BRF1: variants seen among roughly 807,000 people sequenced by gnomAD.
BRF1 encodes the protein transcription factor IIIB 90 kDa subunit.
A neutral mutation model predicts 81.7 loss-of-function variants in BRF1; 59 were observed. The ratio of observed to expected loss-of-function variants is 0.72; its 90% CI spans 0.59 to 0.90. The LOEUF is 0.90. Ranked by LOEUF, BRF1 falls within the 40% of genes least tolerant of loss-of-function variation. The pLI is 0.00. For missense variants in BRF1, 1,050 were observed against 936.3 expected, an observed-to-expected ratio of 1.12 and a Z score of -1.58; for synonymous variants, 491 against 395.6, an observed-to-expected ratio of 1.24 and a Z score of -2.86.
chr14:105,217,600 T>C lies in BRF1; in HGVS notation c.1716A>G (p.Arg572=). The change falls in exon 15 of 18, where the codon CGA becomes CGG. Residue 572 remains arginine, a synonymous_variant. Transcript: ENST00000547530. ...EHSASARKLS[R]RRTPASRSGA... is the part of the protein sequence containing the mutation. Reference sequence around the variant, plus strand: ...CACTTCTGCTGGCCGGCGTCCTCCTTCGTGACAGCTTCCTGGCACTGGCGC... The same window carrying C: ...CACTTCTGCTGGCCGGCGTCCTCCTCCGTGACAGCTTCCTGGCACTGGCGC... The C allele has an allele frequency of 6.2e-7, 1 of 1,613,450 alleles. No individual in the cohort carries two copies. The highest frequency in any genetic ancestry group is 1.1e-5 in the South Asian group (1 of 91,088).
At chr14:105,262,704 G>A (rs927642235) in intron 3 of BRF1, among the ~76,000 whole-genome samples, 3 of 152,220 alleles carry the variant, frequency 2.0e-5, no homozygotes, top group Non-Finnish European at 4.4e-5. Flanking sequence ...CTGCTATCCA[G>A]GCAGTCACCT....
At position 105,292,444 on chromosome 14, in the gene BRF1, C is replaced by T. The variant is rs145206201; in HGVS notation, c.185-6068G>A. 3.6e-3 allele frequency among the ~76,000 whole-genome samples: 542 copies of T among 152,300 alleles called. 3 individuals are homozygous for T. The highest frequency in any genetic ancestry group is 5.3e-3 in the Non-Finnish European group (363 of 68,034). ...CCCACGCTGGTCTCAAACTCTTGAC[C>T]TCAAGTGATCCTCCCACCTTGGTTT... is the stretch of plus-strand genomic sequence containing the variant. On this transcript the variant is annotated intron_variant, in intron 1 of 17. Transcript: ENST00000547530.
chr14:105,217,826 TC>T (rs753460984), intron 14 of BRF1, 26 bp from the exon 15 acceptor site: 13 of 1,604,322 alleles, frequency 8.1e-6, no homozygotes, highest in Admixed American at 6.7e-5. Context: ...CAAGAATGCC[TC>T]CCGTGAGTCA....
intron 3 of BRF1, among the ~76,000 whole-genome samples, chr14:105,266,427 A>G (rs2056421451): frequency 6.6e-6 from 1 of 152,200 alleles, no homozygotes; most frequent in Non-Finnish European, 1.5e-5. Context: ...AAAATTTTAA[A>G]AAATTAATCA....
chr14:105,254,568 T>C (rs181275016), intron 4 of BRF1, among the ~76,000 whole-genome samples: 19 of 146,026 alleles, frequency 1.3e-4, no homozygotes, highest in African/African-American at 4.6e-4. Flanking sequence ...CAGTTTTTTG[T>C]TTGTTTTCTT....
At chr14:105,241,482 A>G (rs1227659486) in intron 5 of BRF1, 68 bp from the exon 6 acceptor site, 2 of 1,588,906 alleles carry the variant, frequency 1.3e-6, no homozygotes, top group Non-Finnish European at 1.7e-6. Flanking sequence ...CGGCCCACGC[A>G]GCCCAGGGGT....
In BRF1 at chr14:105,314,993, C is replaced by G. The variant is rs1023090773; in HGVS notation, c.-162+329G>C. Reference sequence around the variant, plus strand: ...ACACGCCCGTGCCCATGAACCTGTTCGCCACCTGGGAGGTGGACGGCTCCA... The same window carrying G: ...ACACGCCCGTGCCCATGAACCTGTTGGCCACCTGGGAGGTGGACGGCTCCA... On this transcript the variant is annotated intron_variant, in intron 1 of 17. Coordinates refer to the BRF1 transcript ENST00000327359. 5 of 1,252,522 alleles carry G rather than the reference C, an allele frequency of 4.0e-6. No homozygotes were observed. Among genetic ancestry groups the G allele is most frequent in the South Asian group, 1.6e-5 (1 of 63,080 alleles). The allele number at this position is 1,252,522 out of a possible 1,614,324, so 77.6% of individuals were successfully genotyped here.
chr14:105,221,605 T>C (rs1446278903), intron 11 of BRF1, 43 bp downstream of exon 11: 12 of 1,579,192 alleles, frequency 7.6e-6, no homozygotes, highest in Non-Finnish European at 1.0e-5. Flanking sequence ...CTGAAAGATC[T>C]CCCGATGACC....
intron 3 of BRF1, among the ~76,000 whole-genome samples, chr14:105,261,781 C>T (rs2056166233): frequency 1.3e-5 from 2 of 152,242 alleles, no homozygotes; most frequent in South Asian, 4.1e-4. Context: ...GAGCGGACAC[C>T]AGCATTCCCG....
At chr14:105,249,278 T>TGCCCCGCGC in intron 5 of BRF1, 2 of 1,564,946 alleles carry the variant, frequency 1.3e-6, no homozygotes, top group Non-Finnish European at 1.7e-6. Context: ...TCGGAACGCG[T>TGCCCCGCGC]GCCCCGTCCG....
intron 7 of BRF1, chr14:105,227,609 C>T (rs1464405756): frequency 6.6e-6 from 1 of 152,310 alleles, no homozygotes. Context: ...CCTCATCCCT[C>T]ACAAGAGAAC....
intron 5 of BRF1, chr14:105,247,115 A>AG: frequency 2.0e-6 from 2 of 985,482 alleles, no homozygotes; most frequent in Non-Finnish European, 2.4e-6. Context: ...CCACGGCCAC[A>AG]GCAGCCAGCG....
At position 105,209,826 on chromosome 14, in the gene BRF1, C is replaced by T. The variant is rs1566788766; in HGVS notation, c.*725G>A. 9.9e-6 allele frequency: 5 copies of T among 507,030 alleles called. No individual in the cohort carries two copies. The highest frequency in any genetic ancestry group is 5.0e-4 in the Middle Eastern group (1 of 1,986). The allele number at this position is 507,030 out of a possible 1,614,324, so 31.4% of individuals were successfully genotyped here. A position where few individuals can be genotyped will look rare whatever the true frequency, so the allele number is the denominator to read the frequency against. ...GGCACTCAGTTCACCTGCCGGCAGC[C>T]GCAGGGCTCCTGGGCCCACAACTCA... On this transcript the variant is annotated 3_prime_UTR_variant, in exon 18 of 18. Coordinates refer to ENST00000547530, the MANE Select transcript of BRF1 (RefSeq NM_001519.4).
At chr14:105,302,391 CG>C (rs1392253116), upstream of BRF1, among the ~76,000 whole-genome samples, 1 of 150,660 alleles carries the variant, frequency 6.6e-6, no homozygotes, top group African/African-American at 2.4e-5. Context: ...TTAGTAGAGA[CG>C]GGGTTTCTCC....
rs762324357 is a variant in BRF1, at chr14:105,284,837, T to C, written c.265+1459A>G. Among the ~76,000 whole-genome samples the C allele has an allele frequency of 7.9e-5, 12 of 152,112 alleles. No homozygotes were observed. The highest frequency in any genetic ancestry group is 1.3e-4 in the Non-Finnish European group (9 of 68,010). On this transcript the variant is annotated intron_variant, in intron 2 of 17. Transcript: ENST00000547530. The surrounding 1 kb of genome is among the most constrained non-coding windows in gnomAD (Gnocchi z 4.0). ...CAGGCACTAGACTAGAAAGGAAAGA[T>C]AACACGATCTTGTACCGAAAATCCT...
At chr14:105,314,668 G>C (rs1488764882) in intron 1 of BRF1, 1 of 143,366 alleles carries the variant, frequency 7.0e-6, no homozygotes, top group East Asian at 2.1e-4. Context: ...GCGCGGGTCG[G>C]AGGGCGCCGG....
At chr14:105,277,921 A>AT (rs2056912685) in intron 2 of BRF1, among the ~76,000 whole-genome samples, 1 of 151,926 alleles carries the variant, frequency 6.6e-6, no homozygotes, top group African/African-American at 2.4e-5. Flanking sequence ...CACCCAGCTA[A>AT]TTTTTTGTAT....
At chr14:105,215,357 C>G (rs897256172) in intron 15 of BRF1, among the ~76,000 whole-genome samples, 1 of 152,030 alleles carries the variant, frequency 6.6e-6, no homozygotes, top group African/African-American at 2.4e-5. Context: ...ACTGCATGCA[C>G]AGAGAGACAC....
At chr14:105,257,719 G>T (rs184235315) in intron 3 of BRF1, among the ~76,000 whole-genome samples, 2 of 152,162 alleles carry the variant, frequency 1.3e-5, no homozygotes, top group Non-Finnish European at 2.9e-5. Flanking sequence ...GGAAACCAAA[G>T]GAAAGCAGTA....
Sources: allele counts gnomAD v4.1 joint callset (sites outside exome capture counted in the v4.1 genomes callset), GRCh38; gene constraint gnomAD v4.1.1; non-coding constraint Gnocchi (gnomAD v3.1); transcripts MANE v1.5; gene names NCBI Gene and HGNC (gene_info 2026-07-23, HGNC 2026-07-21).